Variants in CENPP observed in about 807,000 individuals in gnomAD.
CENPP encodes the protein centromere protein P.
A neutral mutation model predicts 35.6 loss-of-function variants in CENPP; 24 were observed. The observed-to-expected ratio is 0.67, with a 90% CI of 0.49 to 0.95. The LOEUF (loss-of-function observed/expected upper bound fraction) is 0.95, where lower values mean the gene tolerates loss of function less well. Ranked by LOEUF, CENPP falls within the 40% of genes least tolerant of loss-of-function variation. The pLI, the probability that CENPP is intolerant of heterozygous loss-of-function variation, is 0.00. For synonymous variants in CENPP, 120 were observed against 125.5 expected (o/e 0.96, Z 0.29); for missense variants, 332 against 345.3 (o/e 0.96, Z 0.31).
At chr9:92,586,044 A>AT (rs80214115) in intron 5 of CENPP, among the ~76,000 whole-genome samples, 184 of 150,738 alleles carry the variant, frequency 1.2e-3, no homozygotes, top group African/African-American at 4.3e-3. Context: ...ATCTGTAGAA[A>AT]TTTTTTTTTT....
rs1176239722 is a variant in CENPP at position 92,551,925 on chromosome 9, G to GTGTGTATA, written c.565-59388_565-59387insGTGTATAT. Among the ~76,000 whole-genome samples, 30 of 84,568 alleles carry GTGTGTATA rather than the reference G, an allele frequency of 3.5e-4. 5 individuals carry two copies. The highest frequency in any genetic ancestry group is 2.4e-3 in the African/African-American group (30 of 12,326). 55.5% of individuals were successfully genotyped at this position (84,568 alleles called of 152,430 possible). On this transcript the variant is annotated intron_variant, in intron 5 of 7. Coordinates refer to ENST00000375587, the MANE Select transcript of CENPP (RefSeq NM_001012267.3). ...CATTTGTTATATATATGGTGTGTGT[G>GTGTGTATA]TATATATATATATATATATATATAT...
chr9:92,477,018 A>G (rs1010329576), intron 5 of CENPP, among the ~76,000 whole-genome samples: 2 of 152,234 alleles, frequency 1.3e-5, no homozygotes, highest in Admixed American at 1.3e-4. Context: ...TGGAAGGTAG[A>G]GAACAGAATG....
chr9:92,439,326 A>AT (rs1339332402), intron 5 of CENPP, among the ~76,000 whole-genome samples: 3 of 151,974 alleles, frequency 2.0e-5, no homozygotes, highest in Non-Finnish European at 4.4e-5. Context: ...AAATTAGGTA[A>AT]TTTTTTTCAG....
At chr9:92,400,128 A>G (rs1271710881) in intron 5 of CENPP, among the ~76,000 whole-genome samples, 1 of 152,056 alleles carries the variant, frequency 6.6e-6, no homozygotes, top group Admixed American at 6.6e-5. Context: ...TCCAAGAACA[A>G]GGGATGTCTT....
intron 5 of CENPP, among the ~76,000 whole-genome samples, chr9:92,511,553 A>C (rs995570538): frequency 1.3e-5 from 2 of 150,610 alleles, no homozygotes; most frequent in African/African-American, 4.9e-5. Context: ...ATATGAGCCT[A>C]TTTGTTTTTC....
chr9:92,335,764 T>C (rs956616595), intron 2 of CENPP, among the ~76,000 whole-genome samples: 1 of 152,246 alleles, frequency 6.6e-6, no homozygotes, highest in Non-Finnish European at 1.5e-5. Context: ...CTTTCACTAA[T>C]ACCATACTGT....
At chr9:92,576,093 A>G (rs912097515) in intron 5 of CENPP, among the ~76,000 whole-genome samples, 1 of 152,212 alleles carries the variant, frequency 6.6e-6, no homozygotes, top group Non-Finnish European at 1.5e-5. Context: ...ATAACATTGG[A>G]AGCAATCCAA....
intron 5 of CENPP, chr9:92,389,708 G>A (rs1392023801): frequency 1.7e-6 from 1 of 588,212 alleles, no homozygotes; most frequent in African/African-American, 1.9e-5. Flanking sequence ...CTAATAGGAT[G>A]GTTATTTATT....
intron 4 of CENPP, among the ~76,000 whole-genome samples, chr9:92,346,615 A>G (rs1841301982): frequency 1.3e-5 from 2 of 152,206 alleles, no homozygotes; most frequent in African/African-American, 4.8e-5. Flanking sequence ...GAGGAAAGCA[A>G]AAGTGTGGCA....
chr9:92,395,531 A>G (rs1842860091), intron 5 of CENPP, among the ~76,000 whole-genome samples: 2 of 152,160 alleles, frequency 1.3e-5, no homozygotes, highest in African/African-American at 4.8e-5. Context: ...GTACCTAAGG[A>G]GTGGAATGGC....
intron 5 of CENPP, among the ~76,000 whole-genome samples, chr9:92,422,270 T>C (rs1588119724): frequency 1.3e-5 from 2 of 152,150 alleles, no homozygotes; most frequent in African/African-American, 2.4e-5. Flanking sequence ...GCCAGCCTGG[T>C]CTCGAACTCC....
chr9:92,474,678 T>G (rs756130551), intron 5 of CENPP: 25 of 1,613,922 alleles, frequency 1.5e-5, no homozygotes, highest in Non-Finnish European at 1.6e-5. Flanking sequence ...AATGGACACA[T>G]TGGAAACAGA....
At chr9:92,508,297 C>T (rs997597517) in intron 5 of CENPP, among the ~76,000 whole-genome samples, 18 of 152,210 alleles carry the variant, frequency 1.2e-4, no homozygotes, top group Admixed American at 9.8e-4. Context: ...GGCATGGGGC[C>T]GAGGCTCCTC....
chr9:92,361,370 A>T (rs2130833724), intron 4 of CENPP, among the ~76,000 whole-genome samples: 1 of 151,560 alleles, frequency 6.6e-6, no homozygotes, highest in East Asian at 2.0e-4. Flanking sequence ...CGAACCCCTG[A>T]CCTCAAGTGA....
chr9:92,491,020 G>A (rs1043837671), intron 5 of CENPP, among the ~76,000 whole-genome samples: 23 of 152,082 alleles, frequency 1.5e-4, no homozygotes, highest in African/African-American at 5.3e-4. Flanking sequence ...AAAGGAGATG[G>A]AACTCTTTAT....
intron 5 of CENPP, among the ~76,000 whole-genome samples, chr9:92,582,406 A>G (rs577871448): frequency 6.6e-6 from 1 of 152,244 alleles, no homozygotes; most frequent in African/African-American, 2.4e-5. Context: ...AAGGAAAAAA[A>G]TAATTTTAAA....
intron 5 of CENPP, among the ~76,000 whole-genome samples, chr9:92,569,733 GT>G (rs1850085984): frequency 6.6e-6 from 1 of 152,140 alleles, no homozygotes; most frequent in South Asian, 2.1e-4. Flanking sequence ...TCTTCCATTT[GT>G]TTGTGTCCCT....
chr9:92,403,095 C>T, intron 5 of CENPP: 1 of 571,640 alleles, frequency 1.7e-6, no homozygotes, highest in Non-Finnish European at 3.0e-6. Context: ...ATCTTAGGGA[C>T]AATTATTATG....
intron 5 of CENPP, among the ~76,000 whole-genome samples, chr9:92,557,379 T>G (rs1306366865): frequency 6.6e-6 from 1 of 152,232 alleles, no homozygotes; most frequent in Non-Finnish European, 1.5e-5. Flanking sequence ...CTAGCTAGGC[T>G]GGGGAAGTTT....
Sources: allele counts gnomAD v4.1 joint callset (sites outside exome capture counted in the v4.1 genomes callset), GRCh38; gene constraint gnomAD v4.1.1; transcripts MANE v1.5; gene names NCBI Gene and HGNC (gene_info 2026-07-23, HGNC 2026-07-21).